The following ERBB4 variants were observed in gnomAD, a reference collection of about 807,000 sequenced individuals.
ERBB4 encodes receptor tyrosine-protein kinase erbB-4.
In ERBB4, 42 loss-of-function variants were observed where a neutral mutation model predicts 158.0. The ratio of observed to expected loss-of-function variants is 0.27; its 90% CI spans 0.21 to 0.34. The LOEUF (loss-of-function observed/expected upper bound fraction) is 0.34. ERBB4 is among the 10% of genes least tolerant of loss of function. The probability of loss-of-function intolerance (pLI) is 1.00; values close to 1 mark genes in which losing one functional copy is unlikely to be tolerated. For synonymous variants in ERBB4, 583 were observed against 558.7 expected (o/e 1.04, Z -0.61); for missense variants, 1,333 against 1,624.1 (o/e 0.82, Z 3.08).
At chr2:211,992,820 T>C (rs943487988) in intron 2 of ERBB4, among the ~76,000 whole-genome samples, 3 of 152,192 alleles carry the variant, frequency 2.0e-5, no homozygotes, top group African/African-American at 4.8e-5. Context: ...CTTGAAGATA[T>C]GGGCTCCAAA....
chr2:211,812,242 C>T (rs1455690926), intron 3 of ERBB4, among the ~76,000 whole-genome samples: 2 of 152,194 alleles, frequency 1.3e-5, no homozygotes, highest in East Asian at 1.9e-4. Context: ...GATGTTGATG[C>T]TATTCCTTTC....
intron 1 of ERBB4, among the ~76,000 whole-genome samples, chr2:212,363,827 C>CA (rs1321921170): frequency 6.6e-6 from 1 of 151,582 alleles, no homozygotes; most frequent in Non-Finnish European, 1.5e-5. Flanking sequence ...TATACATTTA[C>CA]AAAACTTTTA....
At chr2:212,157,720 T>C (rs1311344823) in intron 1 of ERBB4, among the ~76,000 whole-genome samples, 1 of 152,106 alleles carries the variant, frequency 6.6e-6, no homozygotes, top group Non-Finnish European at 1.5e-5. Context: ...GTAGAATAAA[T>C]CCACATGTAT....
intron 1 of ERBB4, among the ~76,000 whole-genome samples, chr2:212,245,717 C>T (rs935618181): frequency 6.6e-6 from 1 of 152,072 alleles, no homozygotes; most frequent in Non-Finnish European, 1.5e-5. Context: ...TGTCAATGTT[C>T]CTATCCAGAG....
At chr2:211,837,799 G>A (rs2077374424) in intron 3 of ERBB4, among the ~76,000 whole-genome samples, 1 of 152,000 alleles carries the variant, frequency 6.6e-6, no homozygotes, top group South Asian at 2.1e-4. Flanking sequence ...CATTTTCTGT[G>A]GATAATATAT....
At chr2:211,492,569 G>A (rs891077821) in intron 20 of ERBB4, among the ~76,000 whole-genome samples, 5 of 151,848 alleles carry the variant, frequency 3.3e-5, no homozygotes, top group Non-Finnish European at 7.4e-5. Flanking sequence ...TACAAAAGTA[G>A]GTAAAATAAT....
At position 212,520,975 on chromosome 2, in the gene ERBB4, CACA is replaced by C. The variant is rs370542713; in HGVS notation, c.82+17471_82+17473del. The stretch of plus-strand genomic sequence containing the variant: ...TAATATAGGGAAAGCACTTAATAAT[CACA>C]ACAATTTACAGATTATCTTCTATGT... On this transcript the variant is annotated intron_variant, in intron 1 of 27. Transcript: ENST00000342788. 3.7e-3 allele frequency among the ~76,000 whole-genome samples: 559 copies of C among 151,988 alleles called. 14 individuals are homozygous for C. In the South Asian group the frequency reaches 0.047, roughly 13 times the overall value.
chr2:212,316,265 C>T (rs760896090), intron 1 of ERBB4, among the ~76,000 whole-genome samples: 2 of 151,358 alleles, frequency 1.3e-5, no homozygotes, highest in South Asian at 4.1e-4. Flanking sequence ...GAGTCACACA[C>T]GCCCACATGC....
intron 1 of ERBB4, among the ~76,000 whole-genome samples, chr2:212,237,684 C>T (rs2083929303): frequency 1.3e-5 from 2 of 152,164 alleles, no homozygotes; most frequent in African/African-American, 4.8e-5. Context: ...CCACAGCTGC[C>T]CCTTCTCCCA....
At chr2:211,850,324 C>A (rs2077687606) in intron 3 of ERBB4, among the ~76,000 whole-genome samples, 1 of 151,460 alleles carries the variant, frequency 6.6e-6, no homozygotes, top group South Asian at 2.1e-4. Context: ...AGTATATATG[C>A]CTTTTATTCA....
At chr2:212,211,737 T>C (rs1056138399) in intron 1 of ERBB4, among the ~76,000 whole-genome samples, 1 of 151,770 alleles carries the variant, frequency 6.6e-6, no homozygotes, top group African/African-American at 2.4e-5. Flanking sequence ...TCCCCACTCA[T>C]ACCCCAACAG....
intron 3 of ERBB4, among the ~76,000 whole-genome samples, chr2:211,855,748 T>C (rs1382707711): frequency 1.3e-5 from 2 of 152,178 alleles, no homozygotes; most frequent in East Asian, 3.9e-4. Flanking sequence ...CCAAATTTGA[T>C]CTTTTTCTTC....
At chr2:212,373,455 A>G (rs2090154537) in intron 1 of ERBB4, among the ~76,000 whole-genome samples, 1 of 152,026 alleles carries the variant, frequency 6.6e-6, no homozygotes, top group Non-Finnish European at 1.5e-5. Context: ...AGTAATAGTT[A>G]CAGTTTTCAT....
intron 1 of ERBB4, among the ~76,000 whole-genome samples, chr2:212,495,354 G>T (rs567110323): frequency 5.5e-4 from 83 of 152,258 alleles, no homozygotes; most frequent in African/African-American, 1.9e-3. Flanking sequence ...ACTTAGTTGT[G>T]TCAGAGTAGT....
intron 15 of ERBB4, among the ~76,000 whole-genome samples, chr2:211,664,367 CTGTG>C (rs1403467374): frequency 6.7e-6 from 1 of 149,348 alleles, no homozygotes; most frequent in Non-Finnish European, 1.5e-5. Context: ...CTGTATGCGT[CTGTG>C]TGTGTGTGTT....
chr2:211,516,164 C>T (rs2125628038), intron 20 of ERBB4, among the ~76,000 whole-genome samples: 1 of 151,434 alleles, frequency 6.6e-6, no homozygotes, highest in African/African-American at 2.4e-5. Flanking sequence ...GATCCGCCCG[C>T]CTCGGCCTCC....
chr2:212,035,768 A>G (rs1405011597), intron 2 of ERBB4, among the ~76,000 whole-genome samples: 6 of 152,220 alleles, frequency 3.9e-5, no homozygotes, highest in African/African-American at 1.4e-4. Context: ...CACTCAGCAG[A>G]TACAATAAGT....
At chr2:211,595,197 T>A (rs974805554) in intron 19 of ERBB4, among the ~76,000 whole-genome samples, 2 of 152,214 alleles carry the variant, frequency 1.3e-5, no homozygotes, top group African/African-American at 2.4e-5. Context: ...CTTAAAACGA[T>A]AGGCATTAAC....
intron 1 of ERBB4, among the ~76,000 whole-genome samples, chr2:212,143,002 G>A (rs933287350): frequency 6.6e-6 from 1 of 151,698 alleles, no homozygotes; most frequent in African/African-American, 2.4e-5. Flanking sequence ...ACTTTTTGAA[G>A]AGTCATTTTA....
Sources: allele counts gnomAD v4.1 joint callset (sites outside exome capture counted in the v4.1 genomes callset), GRCh38; gene constraint gnomAD v4.1.1; transcripts MANE v1.5; gene names NCBI Gene and HGNC (gene_info 2026-07-23, HGNC 2026-07-21).